Variants in SNX8 observed in about 807,000 individuals in gnomAD.
SNX8 encodes sorting nexin-8.
SNX8 carries 25 observed loss-of-function variants against 51.6 expected under a neutral mutation model. That is an observed-to-expected ratio of 0.48 (90% confidence interval 0.35 to 0.68). SNX8 has a LOEUF of 0.68. Ranked by LOEUF, SNX8 falls within the 30% of genes least tolerant of loss-of-function variation. SNX8 has a pLI of 0.00. For synonymous variants in SNX8, 324 were observed against 277.0 expected, an observed-to-expected ratio of 1.17 and a Z score of -1.68; for missense variants, 695 against 624.0, an observed-to-expected ratio of 1.11 and a Z score of -1.21.
chr7:2,297,037 C>T (rs547360266), intron 1 of SNX8, among the ~76,000 whole-genome samples: 1 of 152,038 alleles, frequency 6.6e-6, no homozygotes, highest in Non-Finnish European at 1.5e-5. Flanking sequence ...GAGATAGTAT[C>T]TTACCCCAGC....
At chr7:2,319,673 G>A (rs779665053) in intron 1 of SNX8, among the ~76,000 whole-genome samples, 4 of 152,194 alleles carry the variant, frequency 2.6e-5, no homozygotes, top group Non-Finnish European at 4.4e-5. Flanking sequence ...AAATTAGCTG[G>A]GTGTGGTGGC....
intron 4 of SNX8, among the ~76,000 whole-genome samples, chr7:2,269,969 C>G (rs934001834): frequency 2.0e-5 from 3 of 152,138 alleles, no homozygotes; most frequent in African/African-American, 7.2e-5. Flanking sequence ...GAGAAACGGC[C>G]CCTCCATCCA....
At chr7:2,280,057 A>G in intron 1 of SNX8, among the ~76,000 whole-genome samples, 1 of 152,138 alleles carries the variant, frequency 6.6e-6, no homozygotes, top group East Asian at 1.9e-4. Flanking sequence ...GGGAGGGGAG[A>G]GAAGAAGGGA....
At chr7:2,280,602 G>T (rs1795886334) in intron 1 of SNX8, among the ~76,000 whole-genome samples, 2 of 152,122 alleles carry the variant, frequency 1.3e-5, no homozygotes, top group Admixed American at 1.3e-4. Context: ...TGATTACCAA[G>T]TGGTCACATG....
intron 1 of SNX8, among the ~76,000 whole-genome samples, chr7:2,348,409 C>T (rs1430288687): frequency 6.1e-5 from 9 of 148,342 alleles, no homozygotes; most frequent in Admixed American, 2.0e-4. Context: ...GGCGCGATCT[C>T]GGCTCACTGC....
Position 2,303,198 on chromosome 7 carries a change from T to C in SNX8, c.94+11130A>G, listed in dbSNP as rs566867909. Reference sequence around the variant, plus strand: ...TCCCTACTGGGAAGTGAGGAGCCCCTCTGCCCGGCCAGCCGCCCCGTCCAG... The same window carrying C: ...TCCCTACTGGGAAGTGAGGAGCCCCCCTGCCCGGCCAGCCGCCCCGTCCAG... On this transcript the variant is annotated intron_variant, in intron 1 of 10. Transcript: ENST00000222990. Among the ~76,000 whole-genome samples, 6 of 131,756 alleles carry C rather than the reference T, an allele frequency of 4.6e-5. No homozygotes were observed. In the South Asian group the frequency reaches 1.5e-3, roughly 34 times the overall value. The allele number at this position is 131,756 out of a possible 152,430, so 86.4% of individuals were successfully genotyped here. A position where few individuals can be genotyped will look rare whatever the true frequency, so the allele number is the denominator to read the frequency against.
intron 1 of SNX8, among the ~76,000 whole-genome samples, chr7:2,294,231 C>A (rs866964632): frequency 7.2e-5 from 11 of 151,944 alleles, no homozygotes; most frequent in Non-Finnish European, 8.8e-5. Flanking sequence ...CCATTGCACC[C>A]CAGCCCAGGC....
intron 3 of SNX8, 41 bp from the exon 4 acceptor site, chr7:2,272,012 C>G: frequency 6.2e-7 from 1 of 1,609,018 alleles, no homozygotes; most frequent in Non-Finnish European, 8.5e-7. Flanking sequence ...GTCCAGGGCG[C>G]CGGCCCCCAT....
chr7:2,333,114 A>G (rs1404592252), intron 1 of SNX8, among the ~76,000 whole-genome samples: 4 of 150,720 alleles, frequency 2.7e-5, no homozygotes, highest in Non-Finnish European at 4.4e-5. Context: ...GGGTCTCACT[A>G]TGTTGCCCAG....
chr7:2,317,606 C>T (rs564523992), upstream of SNX8, among the ~76,000 whole-genome samples: 2 of 152,096 alleles, frequency 1.3e-5, no homozygotes, highest in Admixed American at 1.3e-4. Context: ...TGATGTCACA[C>T]AATGTCCGGG....
At chr7:2,304,411 G>A (rs879474577) in intron 1 of SNX8, among the ~76,000 whole-genome samples, 3 of 151,726 alleles carry the variant, frequency 2.0e-5, no homozygotes, top group African/African-American at 4.8e-5. Flanking sequence ...AGGCGTGGTG[G>A]CGGGCGCCTG....
At chr7:2,260,478 T>C (rs982011817) in intron 7 of SNX8, among the ~76,000 whole-genome samples, 3 of 152,154 alleles carry the variant, frequency 2.0e-5, no homozygotes, top group Non-Finnish European at 2.9e-5. Flanking sequence ...TGGACAAATG[T>C]GCCCTAAACC....
chr7:2,265,302 T>A (rs1460758530), intron 5 of SNX8, among the ~76,000 whole-genome samples: 2 of 152,182 alleles, frequency 1.3e-5, no homozygotes, highest in East Asian at 3.9e-4. Context: ...ATCACACCAC[T>A]GCACCCCAGC....
chr7:2,258,592 C>T (rs2398668), intron 7 of SNX8, among the ~76,000 whole-genome samples: 41,596 of 152,076 alleles, frequency 0.27, 7,146 homozygotes, highest in East Asian at 0.51. Context: ...GTGTTGTCTC[C>T]GCATCAGTAA....
At chr7:2,291,827 C>T (rs937200496) in intron 1 of SNX8, among the ~76,000 whole-genome samples, 1 of 152,208 alleles carries the variant, frequency 6.6e-6, no homozygotes, top group Non-Finnish European at 1.5e-5. Context: ...CTCAACCTGT[C>T]TCATTCACAG....
upstream of SNX8, among the ~76,000 whole-genome samples, chr7:2,316,660 T>C (rs1261226631): frequency 6.6e-6 from 1 of 151,680 alleles, no homozygotes; most frequent in African/African-American, 2.4e-5. Flanking sequence ...CCTGCATTCA[T>C]TCATTCACCC....
chr7:2,327,396 T>C (rs528505784), intron 1 of SNX8, among the ~76,000 whole-genome samples: 6 of 150,750 alleles, frequency 4.0e-5, no homozygotes, highest in African/African-American at 7.3e-5. Context: ...CCCACCACCA[T>C]GCCTGGCTAA....
At chr7:2,264,538 A>G in intron 5 of SNX8, 80 bp from the exon 6 acceptor site, 2 of 1,463,026 alleles carry the variant, frequency 1.4e-6, no homozygotes, top group Non-Finnish European at 1.8e-6. Context: ...GTCCCCCAGA[A>G]GCTGAGCCAC....
rs182583236 is a variant in SNX8, at chr7:2,302,028, G to A, written c.94+12300C>T. On this transcript the variant is annotated intron_variant, in intron 1 of 10. Coordinates refer to ENST00000222990, the MANE Select transcript of SNX8 (RefSeq NM_013321.4). ...GAGGCCGAGGCAGGCAGATCACCAG[G>A]TCAAGAGATCGAGACCATCCTGGCT... is the stretch of plus-strand genomic sequence containing the variant. Among the ~76,000 whole-genome samples, 426 of 152,176 alleles carry A rather than the reference G, an allele frequency of 2.8e-3. 2 individuals carry two copies. Among genetic ancestry groups the A allele is most frequent in the African/African-American group, 9.7e-3 (401 of 41,514 alleles).
Sources: allele counts gnomAD v4.1 joint callset (sites outside exome capture counted in the v4.1 genomes callset), GRCh38; gene constraint gnomAD v4.1.1; transcripts MANE v1.5; gene names NCBI Gene and HGNC (gene_info 2026-07-23, HGNC 2026-07-21).